The following ERO1B variants were observed in gnomAD, a reference collection of about 807,000 sequenced individuals.
ERO1B encodes the protein endoplasmic reticulum oxidoreductase 1 beta, also known as ERO1-like protein beta.
In ERO1B, 49 loss-of-function variants were observed where a neutral mutation model predicts 75.3. The observed-to-expected ratio is 0.65, with a 90% CI of 0.52 to 0.83. ERO1B has a LOEUF of 0.83. Among genes scored for constraint, ERO1B ranks in the 40% least tolerant of loss-of-function variants. The pLI is 0.00. For synonymous variants in ERO1B, 191 were observed against 192.9 expected, an observed-to-expected ratio of 0.99 and a Z score of 0.08; for missense variants, 512 against 560.1, an observed-to-expected ratio of 0.91 and a Z score of 0.87.
At chr1:236,281,455 G>C in intron 1 of ERO1B, 3 of 383,668 alleles carry the variant, frequency 7.8e-6, no homozygotes, top group Non-Finnish European at 1.4e-5. Flanking sequence ...TTCCTCTTTT[G>C]ACTGCCATTA....
chr1:236,253,391 T>C, intron 3 of ERO1B, 31 bp downstream of exon 3: 2 of 1,320,632 alleles, frequency 1.5e-6, no homozygotes. Flanking sequence ...AAGAGAAAAT[T>C]GGCTTTGCCC....
At chr1:236,256,706 A>G (rs1665168304) in intron 2 of ERO1B, among the ~76,000 whole-genome samples, 1 of 141,578 alleles carries the variant, frequency 7.1e-6, no homozygotes, top group Non-Finnish European at 1.5e-5. Context: ...GGCTCTGGCA[A>G]TAATTCCAGG....
intron 2 of ERO1B, among the ~76,000 whole-genome samples, chr1:236,268,695 G>A (rs1265914574): frequency 2.0e-5 from 3 of 151,208 alleles, no homozygotes; most frequent in East Asian, 2.0e-4. Context: ...GACCATCCTG[G>A]CTAACATGGT....
At chr1:236,262,680 C>T (rs1306240689) in intron 2 of ERO1B, among the ~76,000 whole-genome samples, 1 of 152,166 alleles carries the variant, frequency 6.6e-6, no homozygotes, top group Admixed American at 6.5e-5. Context: ...GCTGGGATTA[C>T]GAGCGTGAGC....
At position 236,262,060 on chromosome 1, in the gene ERO1B, T is replaced by C. The variant is rs764814419; in HGVS notation, c.222+7815A>G. Among the ~76,000 whole-genome samples the C allele has an allele frequency of 1.8e-4, 27 of 152,332 alleles. 1 individual carries two copies. Among genetic ancestry groups the C allele is most frequent in the Non-Finnish European group, 1.0e-4 (7 of 68,032 alleles). On this transcript the variant is annotated intron_variant, in intron 2 of 15. Coordinates refer to ENST00000354619, the MANE Select transcript of ERO1B (RefSeq NM_019891.4). ...AGCAAAAAATCCAAAGGTGGACTCATTGCACACTGTGATTGCAAAATATAT... is the reference window on the plus strand; with the variant it reads ...AGCAAAAAATCCAAAGGTGGACTCACTGCACACTGTGATTGCAAAATATAT...
intron 2 of ERO1B, among the ~76,000 whole-genome samples, chr1:236,257,195 G>A (rs972871233): frequency 4.6e-5 from 7 of 152,154 alleles, no homozygotes; most frequent in South Asian, 2.1e-4. Flanking sequence ...AAAGTTTTGC[G>A]AAACTAGAAT....
intron 6 of ERO1B, among the ~76,000 whole-genome samples, chr1:236,239,753 C>T (rs1056773845): frequency 4.1e-5 from 6 of 148,082 alleles, no homozygotes; most frequent in African/African-American, 1.5e-4. Flanking sequence ...TCTTGGAATT[C>T]ATGAAGTTGA....
At position 236,219,428 on chromosome 1, in the gene ERO1B, T is replaced by C. The variant is rs558170291; in HGVS notation, c.1344-852A>G. 6.6e-5 allele frequency among the ~76,000 whole-genome samples: 10 copies of C among 152,326 alleles called. No individual in the cohort carries two copies. In the South Asian group the frequency reaches 1.7e-3, roughly 25 times the overall value. On this transcript the variant is annotated intron_variant, in intron 15 of 15. Coordinates refer to ENST00000354619, the MANE Select transcript of ERO1B (RefSeq NM_019891.4). The stretch of plus-strand genomic sequence containing the variant: ...ACAAGAAAGGCTGCATTTGTGAATA[T>C]TTTTTATGAGATCGAAGGAAATTTT...
chr1:236,225,942 A>C (rs1664267006), intron 12 of ERO1B, among the ~76,000 whole-genome samples: 1 of 152,180 alleles, frequency 6.6e-6, no homozygotes, highest in African/African-American at 2.4e-5. Context: ...CTCAAAAATA[A>C]GTAAGTAAAT....
chr1:236,229,906 T>C (rs1664359649), intron 10 of ERO1B, among the ~76,000 whole-genome samples: 2 of 152,226 alleles, frequency 1.3e-5, no homozygotes, highest in East Asian at 3.8e-4. Flanking sequence ...ACTTTTAAAA[T>C]ATTTTGCATA....
rs142847300 is a variant in ERO1B at position 236,226,316 on chromosome 1, T to A, written c.1005A>T (p.Glu335Asp). The A allele has an allele frequency of 4.3e-6, 7 of 1,613,976 alleles. No homozygotes were observed. The highest frequency in any genetic ancestry group is 2.2e-5 in the East Asian group (1 of 44,888). Residue 335 changes from glutamate (E) to aspartate (D), a missense_variant, in exon 12 of 16, where the codon GAA (glutamate) becomes GAT (aspartate). Glu to Asp is a conservative substitution (Grantham distance 45, BLOSUM62 2). Transcript: ENST00000354619. ...IVDLYTGNAE[E>D]DADTKTLLLN... ...GTAGAAGAGTTTTTGTGTCAGCATC[T>A]TCTTCTGCATTTCCAGTGTAAAGAT...
intron 15 of ERO1B, among the ~76,000 whole-genome samples, chr1:236,219,845 A>T (rs142636296): frequency 6.6e-6 from 1 of 151,838 alleles, no homozygotes; most frequent in East Asian, 1.9e-4. Flanking sequence ...ACAAAGTGAG[A>T]CCCCCATCTC....
intron 6 of ERO1B, among the ~76,000 whole-genome samples, chr1:236,239,760 T>C (rs909965448): frequency 2.0e-5 from 3 of 149,244 alleles, no homozygotes; most frequent in Admixed American, 6.8e-5. Context: ...ATTCATGAAG[T>C]TGAACTAGTG....
intron 1 of ERO1B, among the ~76,000 whole-genome samples, chr1:236,279,843 CAAAAA>C (rs60949594): frequency 3.7e-5 from 5 of 135,282 alleles, no homozygotes; most frequent in Admixed American, 7.4e-5. Flanking sequence ...GACACTATCT[CAAAAA>C]AAAAAAAAAA....
At chr1:236,240,771 G>A (rs1250360263) in intron 6 of ERO1B, among the ~76,000 whole-genome samples, 1 of 151,942 alleles carries the variant, frequency 6.6e-6, no homozygotes, top group Non-Finnish European at 1.5e-5. Context: ...TCACAATCTA[G>A]CTGGGGAAGA....
chr1:236,281,736 G>A lies in ERO1B; in HGVS notation c.48C>T (p.Ala16=). ...RRAGAGQGVA[A]AVQLLVTLSF... ...TCAGGGTGACCAGCAGCTGCACCGC[G>A]GCCGCTACCCCCTGCCCAGCGCCTG... The change falls in exon 1 of 16, where the codon GCC becomes GCT. Residue 16 remains alanine (A), a synonymous_variant. Transcript: ENST00000354619. 1.3e-6 allele frequency: 2 copies of A among 1,514,680 alleles called. No homozygotes were observed. The highest frequency in any genetic ancestry group is 1.8e-6 in the Non-Finnish European group (2 of 1,134,658). The allele number at this position is 1,514,680 out of a possible 1,614,324, so 93.8% of individuals were successfully genotyped here. A position where few individuals can be genotyped will look rare whatever the true frequency, so the allele number is the denominator to read the frequency against.
rs1192407236 is a variant in ERO1B, at chr1:236,281,774, C to CT, written c.9dup (p.Gly4ArgfsTer38). The CT allele has an allele frequency of 6.6e-7, 1 of 1,510,682 alleles. No individual in the cohort carries two copies. Among genetic ancestry groups the CT allele is most frequent in the African/African-American group, 1.4e-5 (1 of 70,588 alleles). 93.6% of individuals were successfully genotyped at this position (1,510,682 alleles called of 1,614,324 possible). ...TGCCCAGCGCCTGCCCGGCGGACCC[C>CT]TTGGCTCATGCTGACCTCTACCCAC... On this transcript the variant is annotated frameshift_variant, in exon 1 of 16. Coordinates refer to ENST00000354619, the MANE Select transcript of ERO1B (RefSeq NM_019891.4). LOFTEE classifies it high-confidence loss of function.
chr1:236,230,659 C>T (rs1028704501), intron 9 of ERO1B, among the ~76,000 whole-genome samples: 7 of 148,830 alleles, frequency 4.7e-5, no homozygotes, highest in Admixed American at 4.7e-4. Context: ...TAAGTAATCT[C>T]TCTAAAATGT....
At chr1:236,254,126 G>A (rs576624001) in intron 2 of ERO1B, among the ~76,000 whole-genome samples, 42 of 152,274 alleles carry the variant, frequency 2.8e-4, no homozygotes, top group African/African-American at 9.9e-4. Flanking sequence ...GGGTGGCAGA[G>A]AACGAGGATG....
Sources: allele counts gnomAD v4.1 joint callset (sites outside exome capture counted in the v4.1 genomes callset), GRCh38; gene constraint gnomAD v4.1.1; transcripts MANE v1.5; gene names NCBI Gene and HGNC (gene_info 2026-07-23, HGNC 2026-07-21).